The following PLOD1 variants were observed in gnomAD, a reference collection of about 807,000 sequenced individuals.
PLOD1 encodes lysine hydroxylase.
Under a neutral mutation model 94.7 loss-of-function variants are expected in PLOD1, and 70 were observed. The observed-to-expected ratio is 0.74, with a 90% CI of 0.61 to 0.90. The LOEUF (loss-of-function observed/expected upper bound fraction) is 0.90, where lower values mean the gene tolerates loss of function less well. PLOD1 is among the 40% of genes least tolerant of loss of function. The pLI is 0.00. For synonymous variants in PLOD1, 417 were observed against 400.2 expected (o/e 1.04, Z -0.50); for missense variants, 905 against 972.7 (o/e 0.93, Z 0.93).
intron 18 of PLOD1, 103 bp downstream of exon 18, chr1:11,973,100 C>T: frequency 1.0e-5 from 13 of 1,269,594 alleles, no homozygotes; most frequent in Non-Finnish European, 7.9e-6. Flanking sequence ...CCCAGGTAAC[C>T]AGTGCCAGAG....
intron 9 of PLOD1, among the ~76,000 whole-genome samples, chr1:11,959,852 G>A (rs1645765550): frequency 6.6e-6 from 1 of 151,174 alleles, no homozygotes; most frequent in Admixed American, 6.6e-5. Context: ...TCCTGACCTC[G>A]TGATCTGCCT....
intron 1 of PLOD1, chr1:11,944,428 C>A (rs970291560): frequency 1.8e-6 from 1 of 547,416 alleles, no homozygotes; most frequent in Non-Finnish European, 2.9e-6. Context: ...CGCGTACACA[C>A]ACACACACAC....
rs771071711 is a variant in PLOD1, at chr1:11,957,979, G to T, written c.843+36G>T. On this transcript the variant is annotated intron_variant, in intron 8 of 18. Coordinates refer to ENST00000196061, the MANE Select transcript of PLOD1 (RefSeq NM_000302.4). The surrounding 1 kb of genome is among the most constrained non-coding windows in gnomAD (Gnocchi z 4.1). Reference sequence around the variant, plus strand: ...GCCCAGGCCTGTGCCTGAGGGACACGGGGGGCTCAGTCCCCTGAGATGGCG... The same window carrying T: ...GCCCAGGCCTGTGCCTGAGGGACACTGGGGGCTCAGTCCCCTGAGATGGCG... 7.6e-7 allele frequency: 1 copy of T among 1,318,186 alleles called. No individual in the cohort carries two copies. Among genetic ancestry groups the T allele is most frequent in the Non-Finnish European group, 1.1e-6 (1 of 909,670 alleles). The allele number at this position is 1,318,186 out of a possible 1,614,324, so 81.7% of individuals were successfully genotyped here.
chr1:11,954,358 T>C (rs2100748246), intron 5 of PLOD1: 1 of 318,700 alleles, frequency 3.1e-6, no homozygotes. Context: ...TGGTGGCACA[T>C]GCCCGTAGTC....
Position 11,960,695 on chromosome 1 carries a change from G to A in PLOD1, c.1025G>A (p.Ser342Asn). 1.9e-6 allele frequency: 3 copies of A among 1,613,298 alleles called. No individual in the cohort carries two copies. Among genetic ancestry groups the A allele is most frequent in the African/African-American group, 1.3e-5 (1 of 75,016 alleles). ...GAAGAGTTCCTGGCACAGCATGGCA[G>A]CGAGTACCAGTCTGTGAAGCTGGTG... ...QVEEFLAQHG[S>N]EYQSVKLVGP... The change falls in exon 10 of 19, where the codon AGC (serine) becomes AAC (asparagine). Residue 342 changes from serine (S) to asparagine (N), a missense_variant. By Grantham distance (46) the Ser-to-Asn change is conservative (BLOSUM62 1). Coordinates refer to ENST00000196061, the MANE Select transcript of PLOD1 (RefSeq NM_000302.4).
chr1:11,957,888 T>G lies in PLOD1; in HGVS notation c.788T>G (p.Phe263Cys), dbSNP rs752711810. Reference sequence around the variant, plus strand: ...AACTACATCCCGCGCTTCTGGACCTTCGAAACAGGCTGCACCGTGTGTGAC... The same window carrying G: ...AACTACATCCCGCGCTTCTGGACCTGCGAAACAGGCTGCACCGTGTGTGAC... ...LGNYIPRFWT[F>C]ETGCTVCDEG... The change falls in exon 8 of 19, where the codon TTC becomes TGC. Residue 263 changes from phenylalanine (F) to cysteine (C), a missense_variant. Coordinates refer to ENST00000196061, the MANE Select transcript of PLOD1 (RefSeq NM_000302.4). This position sits in a 1 kb window ranked among gnomAD's most constrained non-coding sequence, Gnocchi z 4.1. 1.2e-6 allele frequency: 2 copies of G among 1,614,080 alleles called. No individual in the cohort carries two copies. The highest frequency in any genetic ancestry group is 2.2e-5 in the South Asian group (2 of 91,082).
chr1:11,973,881 C>T (rs1026550813), intron 18 of PLOD1, among the ~76,000 whole-genome samples: 13 of 152,090 alleles, frequency 8.5e-5, no homozygotes, highest in African/African-American at 3.1e-4. Flanking sequence ...CTGTGGCCTG[C>T]AAGGGACATT....
At chr1:11,951,685 C>T (rs954004333) in intron 4 of PLOD1, among the ~76,000 whole-genome samples, 2 of 147,894 alleles carry the variant, frequency 1.4e-5, no homozygotes, top group Non-Finnish European at 3.0e-5. Flanking sequence ...TTTGGGAGGC[C>T]GAGGTGGGCG....
chr1:11,965,212 A>G (rs986670705), intron 13 of PLOD1, among the ~76,000 whole-genome samples: 5 of 151,052 alleles, frequency 3.3e-5, no homozygotes, highest in African/African-American at 1.2e-4. Flanking sequence ...ACATTTCAGG[A>G]CCAGAACACG....
intron 12 of PLOD1, 23 bp downstream of exon 12, chr1:11,964,323 T>TTCCGGGGGGGGGGGGGGGG: frequency 3.6e-6 from 1 of 274,730 alleles, no homozygotes. Context: ...AGGGTGGGGG[T>TTCCGGGGGGGGGGGGGGGG]GGGTGGGGGA....
chr1:11,944,686 A>G (rs753911084), intron 1 of PLOD1: 22 of 1,311,086 alleles, frequency 1.7e-5, no homozygotes, highest in Non-Finnish European at 2.2e-5. Flanking sequence ...TCCTTCCCAC[A>G]CCTGCCTGGT....
chr1:11,945,522 T>TGGGA (rs750987452), intron 1 of PLOD1, among the ~76,000 whole-genome samples: 26 of 151,374 alleles, frequency 1.7e-4, no homozygotes, highest in African/African-American at 4.9e-4. Context: ...GTCCCTTGCA[T>TGGGA]GGTCCCTTGC....
chr1:11,968,988 G>A (rs1437535920), intron 16 of PLOD1, among the ~76,000 whole-genome samples: 1 of 150,978 alleles, frequency 6.6e-6, no homozygotes, highest in Non-Finnish European at 1.5e-5. Context: ...TTCACAAGTA[G>A]CTGGGATTAC....
intron 17 of PLOD1, 41 bp downstream of exon 17, chr1:11,970,857 G>A: frequency 6.3e-7 from 1 of 1,595,434 alleles, no homozygotes; most frequent in Non-Finnish European, 8.5e-7. Context: ...GGGGACAGTT[G>A]GGTGGGGTGT....
In PLOD1 at chr1:11,950,469, G is replaced by C. The variant is rs1233370130; in HGVS notation, c.415G>C (p.Glu139Gln). 2.5e-6 allele frequency: 4 copies of C among 1,614,130 alleles called. No homozygotes were observed. In the Admixed American group the frequency reaches 5.0e-5, roughly 20 times the overall value. Residue 139 changes from glutamate (E) to glutamine (Q), a missense_variant, in exon 4 of 19, where the codon GAG (glutamate) becomes CAG (glutamine). Transcript: ENST00000196061. ...GCTCATCTACCCAGACCGCAGGCTGGAGACCAAGTATCCGGTGGTGTCCGA... is the reference window on the plus strand; with the variant it reads ...GCTCATCTACCCAGACCGCAGGCTGCAGACCAAGTATCCGGTGGTGTCCGA... Reference protein sequence around the residue: ...EELIYPDRRLETKYPVVSDGK... With the variant: ...EELIYPDRRLQTKYPVVSDGK...
chr1:11,939,769 A>G (rs150590180), intron 1 of PLOD1, among the ~76,000 whole-genome samples: 3,884 of 151,808 alleles, frequency 0.026, 163 homozygotes, highest in African/African-American at 0.089. Context: ...CATCATGCCC[A>G]GCTAATTTTT....
In PLOD1 at chr1:11,965,475, C is replaced by T. The variant is rs757690753; in HGVS notation, c.1471-5C>T. ...CGCCTCTTCCACCGGGCCTGTCCTC[C>T]CCAGGATGTGTTCATGTTCCTGACC... On this transcript the variant is annotated splice_polypyrimidine_tract_variant and splice_region_variant and intron_variant, in intron 13 of 18. Transcript: ENST00000196061. The T allele has an allele frequency of 1.3e-6, 2 of 1,591,892 alleles. No homozygotes were observed. The highest frequency in any genetic ancestry group is 1.7e-6 in the Non-Finnish European group (2 of 1,160,414).
chr1:11,970,922 G>A (rs1244865957), intron 17 of PLOD1, 106 bp downstream of exon 17: 11 of 977,212 alleles, frequency 1.1e-5, no homozygotes, highest in Middle Eastern at 2.5e-4. Context: ...AAACTGGGAG[G>A]GGCCGAGGTG....
At chr1:11,944,171 T>G (rs1489583240) in intron 1 of PLOD1, among the ~76,000 whole-genome samples, 1 of 151,572 alleles carries the variant, frequency 6.6e-6, no homozygotes, top group African/African-American at 2.4e-5. Flanking sequence ...AGATAGAGGT[T>G]GTAGTGAGAC....
Sources: allele counts gnomAD v4.1 joint callset (sites outside exome capture counted in the v4.1 genomes callset), GRCh38; gene constraint gnomAD v4.1.1; non-coding constraint Gnocchi (gnomAD v3.1); transcripts MANE v1.5; gene names NCBI Gene and HGNC (gene_info 2026-07-23, HGNC 2026-07-21).